The following TRAPPC10 variants were observed in gnomAD, a reference collection of about 807,000 sequenced individuals.
The protein encoded by TRAPPC10 is trafficking protein particle complex subunit 10.
TRAPPC10 carries 23 observed loss-of-function variants against 125.5 expected under a neutral mutation model. The observed-to-expected ratio is 0.18, with a 90% CI of 0.13 to 0.26. TRAPPC10 has a LOEUF of 0.26. Ranked by LOEUF, TRAPPC10 falls within the 10% of genes least tolerant of loss-of-function variation. The pLI is 1.00. For missense variants in TRAPPC10, 1,123 were observed against 1,308.4 expected, an observed-to-expected ratio of 0.86 and a Z score of 2.19; for synonymous variants, 509 against 518.0, an observed-to-expected ratio of 0.98 and a Z score of 0.24.
chr21:44,029,157 T>G (rs1343934989), intron 1 of TRAPPC10, among the ~76,000 whole-genome samples: 2 of 152,172 alleles, frequency 1.3e-5, no homozygotes, highest in Non-Finnish European at 2.9e-5. Context: ...TGCAGTGGCG[T>G]GATCTCGGCT....
chr21:44,048,642 C>T (rs1473021784), intron 3 of TRAPPC10, among the ~76,000 whole-genome samples: 2 of 151,946 alleles, frequency 1.3e-5, no homozygotes, highest in Non-Finnish European at 2.9e-5. Context: ...TACAGGTGCA[C>T]GCTACCATGC....
chr21:44,094,264 G>GTA (rs2038777138), intron 20 of TRAPPC10, 31 bp downstream of exon 20: 4 of 1,578,812 alleles, frequency 2.5e-6, no homozygotes, highest in East Asian at 2.3e-5. Context: ...GGAGGGTGGG[G>GTA]GTGAAAAAAT....
intron 3 of TRAPPC10, among the ~76,000 whole-genome samples, chr21:44,051,134 G>C (rs1361313088): frequency 6.6e-6 from 1 of 152,150 alleles, no homozygotes; most frequent in East Asian, 1.9e-4. Context: ...GAACTCCTGA[G>C]CTCAGGCAAT....
intron 13 of TRAPPC10, among the ~76,000 whole-genome samples, chr21:44,080,521 C>G (rs911687969): frequency 6.6e-6 from 1 of 151,538 alleles, no homozygotes; most frequent in Non-Finnish European, 1.5e-5. Flanking sequence ...AAAAGTTCTT[C>G]CCATCTCTTT....
At chr21:44,058,964 A>G (rs959116738) in intron 5 of TRAPPC10, 139 bp from the exon 6 acceptor site, 4 of 585,892 alleles carry the variant, frequency 6.8e-6, no homozygotes, top group African/African-American at 3.8e-5. Context: ...CGGTCGTCAC[A>G]TTGGTTGTTA....
At chr21:44,093,704 G>C (rs932331078) in intron 19 of TRAPPC10, among the ~76,000 whole-genome samples, 10 of 152,170 alleles carry the variant, frequency 6.6e-5, no homozygotes, top group African/African-American at 2.4e-4. Context: ...GTTGCAGTGA[G>C]CCGAGATCCT....
At chr21:44,037,713 TTATTTGTTGTTC>T in intron 2 of TRAPPC10, 67 bp from the exon 3 acceptor site, 1 of 1,498,560 alleles carries the variant, frequency 6.7e-7, no homozygotes, top group South Asian at 1.3e-5. Context: ...TACCATTACA[TTATTTGTTGTTC>T]TATTTCCCCT....
rs182643295 is a variant in TRAPPC10, at chr21:44,016,171, C to A, written c.67+3611C>A. On this transcript the variant is annotated intron_variant, in intron 1 of 22. Transcript: ENST00000291574. ...TATATTTTATTAATCATGAAAAATG[C>A]CTGGCGTAACTGAAACAAATCCAGC... Among the ~76,000 whole-genome samples the A allele has an allele frequency of 1.9e-3, 294 of 152,266 alleles. 2 individuals are homozygous for A. Among genetic ancestry groups the A allele is most frequent in the Non-Finnish European group, 3.1e-3 (212 of 68,024 alleles).
intron 11 of TRAPPC10, chr21:44,079,359 G>A (rs749701968): frequency 1.9e-5 from 10 of 529,904 alleles, no homozygotes; most frequent in African/African-American, 1.8e-4. Context: ...TCATTTCTCA[G>A]ATCTTTGCCT....
intron 15 of TRAPPC10, 28 bp downstream of exon 15, chr21:44,084,291 G>T: frequency 6.2e-7 from 1 of 1,608,272 alleles, no homozygotes; most frequent in Non-Finnish European, 8.5e-7. Context: ...CCTTTGAGGA[G>T]GCGTGCTGCT....
In TRAPPC10 at chr21:44,080,077, A is replaced by G; in HGVS notation, c.1673A>G (p.His558Arg). The part of the protein sequence containing the change: ...DHHLTEEERK[H>R]FCQEILDFAS... ...CACCTCACTGAAGAGGAGCGCAAGC[A>G]CTTCTGCCAGGAGATACTTGACTTT... Residue 558 changes from histidine to arginine, a missense_variant, in exon 13 of 23, where the codon CAC becomes CGC. By Grantham distance (29) the His-to-Arg change is conservative (BLOSUM62 0). Coordinates refer to ENST00000291574, the MANE Select transcript of TRAPPC10 (RefSeq NM_003274.5). The G allele has an allele frequency of 1.2e-6, 2 of 1,614,216 alleles. No homozygotes were observed. The highest frequency in any genetic ancestry group is 1.7e-6 in the Non-Finnish European group (2 of 1,180,046).
chr21:44,015,496 C>T (rs2031724780), intron 1 of TRAPPC10, among the ~76,000 whole-genome samples: 1 of 152,120 alleles, frequency 6.6e-6, no homozygotes, highest in Non-Finnish European at 1.5e-5. Flanking sequence ...TAGCCGACTG[C>T]AGCCTTGCTG....
At chr21:44,019,799 G>A (rs1425209849) in intron 1 of TRAPPC10, among the ~76,000 whole-genome samples, 2 of 152,184 alleles carry the variant, frequency 1.3e-5, no homozygotes, top group East Asian at 1.9e-4. Flanking sequence ...GCTACCAAGC[G>A]CGCAGTGGCC....
chr21:44,043,238 G>A (rs2034540907), intron 3 of TRAPPC10, among the ~76,000 whole-genome samples: 1 of 130,442 alleles, frequency 7.7e-6, no homozygotes, highest in Non-Finnish European at 1.6e-5. Context: ...TTTTGGGATG[G>A]AGTCTTACCC....
At chr21:44,056,210 G>T (rs1050220101) in intron 5 of TRAPPC10, among the ~76,000 whole-genome samples, 1 of 152,090 alleles carries the variant, frequency 6.6e-6, no homozygotes, top group Non-Finnish European at 1.5e-5. Flanking sequence ...AGTCTGTATC[G>T]ATAGAAATCA....
At position 44,071,236 on chromosome 21, in the gene TRAPPC10, C is replaced by T. The variant is rs763040398; in HGVS notation, c.1039-3088C>T. On this transcript the variant is annotated intron_variant, in intron 7 of 22. Coordinates refer to ENST00000291574, the MANE Select transcript of TRAPPC10 (RefSeq NM_003274.5). ...GTGCCTCTTTGGGGTGGATCTTGAC[C>T]GGGAAAAGGGACTTGAGAGAACCTT... Among the ~76,000 whole-genome samples the T allele has an allele frequency of 1.4e-4, 22 of 152,148 alleles. No homozygotes were observed. In the East Asian group the frequency reaches 1.5e-3, roughly 11 times the overall value.
chr21:44,066,004 T>C (rs2036426202), intron 7 of TRAPPC10, among the ~76,000 whole-genome samples: 1 of 152,172 alleles, frequency 6.6e-6, no homozygotes, highest in Admixed American at 6.5e-5. Context: ...GCTGTGTTTT[T>C]CTCTCTTGTG....
intron 8 of TRAPPC10, 52 bp downstream of exon 8, chr21:44,074,522 T>TG (rs1250670031): frequency 6.2e-7 from 1 of 1,609,320 alleles, no homozygotes; most frequent in Non-Finnish European, 8.5e-7. Flanking sequence ...CGGCCATGCC[T>TG]GGGTGGCGGA....
At chr21:44,024,828 TG>T (rs1243203889) in intron 1 of TRAPPC10, among the ~76,000 whole-genome samples, 1 of 152,232 alleles carries the variant, frequency 6.6e-6, no homozygotes, top group Non-Finnish European at 1.5e-5. Context: ...GTCCTCTCCA[TG>T]CTAACTCCTC....
Sources: gnomAD v4.1 joint callset for allele counts (sites outside exome capture counted in the v4.1 genomes callset) on GRCh38, gnomAD v4.1.1 for gene constraint, MANE v1.5 for transcripts, NCBI Gene and HGNC (gene_info 2026-07-23, HGNC 2026-07-21) for gene names.